SAMTOR: variants seen among roughly 807,000 people sequenced by gnomAD.
SAMTOR encodes the protein S-adenosylmethionine sensor upstream of mTORC1.
At chr7:112,910,518 A>G in the SAMTOR span, among the ~76,000 whole-genome samples, 1 of 152,210 alleles carries the variant, frequency 6.6e-6, no homozygotes, top group African/African-American at 2.4e-5. Context: ...AAGAGGATTG[A>G]TCCACAAGCC....
At chr7:112,885,535 T>A in the SAMTOR span, among the ~76,000 whole-genome samples, 1 of 152,164 alleles carries the variant, frequency 6.6e-6, no homozygotes, top group Non-Finnish European at 1.5e-5. Flanking sequence ...CCAGTCTCTT[T>A]GCATAGGATG....
chr7:112,882,934 A>G, the SAMTOR span, among the ~76,000 whole-genome samples: 1 of 152,206 alleles, frequency 6.6e-6, no homozygotes, highest in East Asian at 1.9e-4. Flanking sequence ...CTCCTAAACC[A>G]GAGAGCATTA....
chr7:112,907,914 G>A, the SAMTOR span, among the ~76,000 whole-genome samples: 43 of 151,318 alleles, frequency 2.8e-4, no homozygotes, highest in Non-Finnish European at 4.6e-4. Flanking sequence ...CTCTACACAG[G>A]GCAATTTGGC....
chr7:112,822,610 C>A, the SAMTOR span, among the ~76,000 whole-genome samples: 275 of 152,100 alleles, frequency 1.8e-3, 2 homozygotes, highest in Middle Eastern at 0.014. Context: ...TTTTGCCTAA[C>A]AATTTAAAAT....
the SAMTOR span, among the ~76,000 whole-genome samples, chr7:112,864,778 A>G: frequency 2.6e-5 from 4 of 152,214 alleles, no homozygotes; most frequent in African/African-American, 9.6e-5. Flanking sequence ...TTTTTGAGAC[A>G]GGGTCTCTCT....
chr7:112,886,980 C>T, the SAMTOR span, among the ~76,000 whole-genome samples: 5 of 151,986 alleles, frequency 3.3e-5, no homozygotes, highest in Non-Finnish European at 7.4e-5. Context: ...CCTGGGCCAA[C>T]ATGGTGAAAC....
At chr7:112,870,916 T>C in the SAMTOR span, among the ~76,000 whole-genome samples, 4 of 151,798 alleles carry the variant, frequency 2.6e-5, no homozygotes, top group Non-Finnish European at 5.9e-5. Context: ...TTTAAACCAA[T>C]AGTAACAAAG....
At chr7:112,871,074 G>A in the SAMTOR span, among the ~76,000 whole-genome samples, 1 of 152,124 alleles carries the variant, frequency 6.6e-6, no homozygotes, top group African/African-American at 2.4e-5. Flanking sequence ...CAGCCACAGG[G>A]TAATAGTGGG....
chr7:112,885,895 C>T, the SAMTOR span, among the ~76,000 whole-genome samples: 54 of 152,234 alleles, frequency 3.5e-4, no homozygotes, highest in African/African-American at 1.3e-3. Flanking sequence ...TATCATACTA[C>T]TAATAAAGAC....
the SAMTOR span, chr7:112,915,362 T>C: frequency 3.1e-6 from 5 of 1,613,452 alleles, no homozygotes; most frequent in Non-Finnish European, 4.2e-6. Context: ...AATGATTATC[T>C]GCCAAATTTT....
At chr7:112,889,586 C>G in the SAMTOR span, among the ~76,000 whole-genome samples, 2 of 152,120 alleles carry the variant, frequency 1.3e-5, no homozygotes, top group African/African-American at 4.8e-5. Context: ...CCAAGCCATC[C>G]AGGGCTAAAT....
the SAMTOR span, among the ~76,000 whole-genome samples, chr7:112,893,061 A>G: frequency 6.6e-6 from 1 of 152,210 alleles, no homozygotes; most frequent in Non-Finnish European, 1.5e-5. Flanking sequence ...GAGCACAGCC[A>G]GAGTAGATTC....
the SAMTOR span, among the ~76,000 whole-genome samples, chr7:112,889,542 G>A: frequency 1.3e-5 from 2 of 152,102 alleles, no homozygotes; most frequent in Non-Finnish European, 2.9e-5. Flanking sequence ...CTATATTAAG[G>A]AGTTCAGAGT....
At chr7:112,935,614 C>A in the SAMTOR span, among the ~76,000 whole-genome samples, 1 of 152,066 alleles carries the variant, frequency 6.6e-6, no homozygotes, top group African/African-American at 2.4e-5. Flanking sequence ...TTATAAGCTG[C>A]AGGTGTTTAT....
the SAMTOR span, among the ~76,000 whole-genome samples, chr7:112,833,732 ATAACT>A: frequency 6.6e-6 from 1 of 152,220 alleles, no homozygotes; most frequent in African/African-American, 2.4e-5. Flanking sequence ...ACAATCACCA[ATAACT>A]TAATCATATC....
chr7:112,905,650 T>C, the SAMTOR span, among the ~76,000 whole-genome samples: 1 of 152,180 alleles, frequency 6.6e-6, no homozygotes, highest in African/African-American at 2.4e-5. Flanking sequence ...ATTCACTATA[T>C]TCATAAATCT....
At chr7:112,839,140 C>A in the SAMTOR span, among the ~76,000 whole-genome samples, 2 of 151,948 alleles carry the variant, frequency 1.3e-5, no homozygotes, top group South Asian at 2.1e-4. Context: ...AAGTAAAGCA[C>A]TGCTCAAACA....
the SAMTOR span, among the ~76,000 whole-genome samples, chr7:112,862,547 C>A: frequency 6.6e-6 from 1 of 152,160 alleles, no homozygotes; most frequent in Non-Finnish European, 1.5e-5. Context: ...AACATGTTTT[C>A]ATGGAGCTTT....
chr7:112,866,258 A>C, the SAMTOR span, among the ~76,000 whole-genome samples: 1 of 152,330 alleles, frequency 6.6e-6, no homozygotes, highest in South Asian at 2.1e-4. Context: ...TAAATGTATA[A>C]TACTACTGAG....
Sources: allele counts gnomAD v4.1 joint callset (sites outside exome capture counted in the v4.1 genomes callset), GRCh38; gene constraint gnomAD v4.1.1; transcripts MANE v1.5; gene names NCBI Gene and HGNC (gene_info 2026-07-23, HGNC 2026-07-21).